LEPR: variants seen among roughly 807,000 people sequenced by gnomAD.
LEPR encodes leptin receptor.
A neutral mutation model predicts 114.7 loss-of-function variants in LEPR; 56 were observed. The ratio of observed to expected loss-of-function variants is 0.49; its 90% CI spans 0.39 to 0.61. The LOEUF is 0.61. Ranked by LOEUF, LEPR falls within the 20% of genes least tolerant of loss-of-function variation. The pLI is 0.00. For synonymous variants in LEPR, 443 were observed against 461.4 expected (o/e 0.96, Z 0.51); for missense variants, 1,202 against 1,352.9 (o/e 0.89, Z 1.75).
intron 14 of LEPR, among the ~76,000 whole-genome samples, chr1:65,615,142 A>G (rs769234871): frequency 2.0e-5 from 3 of 152,172 alleles, no homozygotes; most frequent in Admixed American, 1.3e-4. Context: ...GCAGGGATAC[A>G]TGTATATGTG....
rs766588452 is a variant in LEPR at position 65,621,389 on chromosome 1, A to G, written c.2528A>G (p.Tyr843Cys). Residue 843 changes from tyrosine to cysteine, a missense_variant, in exon 18 of 20, where the codon TAT (tyrosine) becomes TGT (cysteine). Physicochemically the swap from Tyr to Cys is radical, Grantham distance 194. Coordinates refer to ENST00000349533, the MANE Select transcript of LEPR (RefSeq NM_002303.6). ...AAACACCAGAGTGATGCAGGTTTAT[A>G]TGTAATTGTGCCAGTAATTATTTCC... ...IEKHQSDAGLYVIVPVIISSS... is the reference protein window; with the variant it reads ...IEKHQSDAGLCVIVPVIISSS... 4.3e-6 allele frequency: 7 copies of G among 1,613,332 alleles called. No homozygotes were observed. The East Asian group carries it at 1.3e-4, about 31-fold the overall frequency.
At chr1:65,526,772 G>A (rs1024027173) in intron 2 of LEPR, among the ~76,000 whole-genome samples, 1 of 152,042 alleles carries the variant, frequency 6.6e-6, no homozygotes, top group African/African-American at 2.4e-5. Flanking sequence ...ATTTCTGAGG[G>A]CCTTTTGAGA....
At chr1:65,625,006 T>G (rs546694407) in intron 19 of LEPR, among the ~76,000 whole-genome samples, 15 of 152,218 alleles carry the variant, frequency 9.9e-5, no homozygotes, top group Non-Finnish European at 1.9e-4. Flanking sequence ...AGCCAGAGTC[T>G]TCTTTCATTA....
intron 19 of LEPR, chr1:65,634,499 T>G: frequency 2.1e-6 from 2 of 947,010 alleles, no homozygotes; most frequent in Non-Finnish European, 2.5e-6. Context: ...TAATAAAGTT[T>G]TATAACTCAC....
chr1:65,483,980 C>G (rs1251063433), intron 2 of LEPR, among the ~76,000 whole-genome samples: 1 of 150,002 alleles, frequency 6.7e-6, no homozygotes, highest in Non-Finnish European at 1.5e-5. Flanking sequence ...GCTCTGTTGT[C>G]TAGGCTGGAG....
chr1:65,520,020 C>T (rs1305570216), intron 2 of LEPR, among the ~76,000 whole-genome samples: 6 of 151,924 alleles, frequency 3.9e-5, no homozygotes, highest in African/African-American at 1.2e-4. Flanking sequence ...CCTGCCACCA[C>T]GCCCGGCTAA....
intron 2 of LEPR, among the ~76,000 whole-genome samples, chr1:65,505,314 C>G (rs1024125791): frequency 1.3e-5 from 2 of 152,010 alleles, no homozygotes; most frequent in Non-Finnish European, 2.9e-5. Context: ...TAAAATGTCT[C>G]GTAATTTTCC....
At chr1:65,548,423 T>C (rs1472389398) in intron 2 of LEPR, among the ~76,000 whole-genome samples, 2 of 152,198 alleles carry the variant, frequency 1.3e-5, no homozygotes, top group Admixed American at 6.5e-5. Flanking sequence ...AAGTCTCCCA[T>C]TATTATTGTG....
intron 5 of LEPR, among the ~76,000 whole-genome samples, chr1:65,582,672 T>C (rs1655066680): frequency 1.3e-5 from 2 of 152,214 alleles, no homozygotes; most frequent in Admixed American, 1.3e-4. Flanking sequence ...TCTTCTTTTA[T>C]TGTGAATAAA....
chr1:65,462,318 C>T (rs554991660), intron 2 of LEPR, among the ~76,000 whole-genome samples: 17 of 152,204 alleles, frequency 1.1e-4, no homozygotes, highest in African/African-American at 1.4e-4. Context: ...TCCCTGCAAA[C>T]GACACGAACT....
chr1:65,494,158 AC>A (rs1648027437), intron 2 of LEPR: 1 of 152,176 alleles, frequency 6.6e-6, no homozygotes, highest in Non-Finnish European at 1.5e-5. Flanking sequence ...TATTTTTTCA[AC>A]TAAGATGGCA....
At chr1:65,538,353 C>G (rs962920717) in intron 2 of LEPR, among the ~76,000 whole-genome samples, 4 of 152,002 alleles carry the variant, frequency 2.6e-5, no homozygotes, top group Non-Finnish European at 5.9e-5. Context: ...CTTTTGGGGG[C>G]CATCTATACT....
chr1:65,498,418 C>CT (rs576217475), intron 2 of LEPR, among the ~76,000 whole-genome samples: 13 of 151,400 alleles, frequency 8.6e-5, no homozygotes, highest in Admixed American at 2.0e-4. Flanking sequence ...CCTGAAATTA[C>CT]TTTTTTTTTC....
intron 7 of LEPR, among the ~76,000 whole-genome samples, chr1:65,597,029 C>T (rs1051832409): frequency 1.1e-4 from 17 of 152,040 alleles, no homozygotes; most frequent in African/African-American, 7.2e-5. Flanking sequence ...AACACCCCCA[C>T]CCTGGATATC....
Position 65,630,208 on chromosome 1 carries a change from G to T in LEPR, c.2674-5983G>T, listed in dbSNP as rs1183424966. 5 of 296,028 alleles carry T rather than the reference G, an allele frequency of 1.7e-5. No individual in the cohort carries two copies. Among genetic ancestry groups the T allele is most frequent in the Non-Finnish European group, 3.3e-5 (5 of 151,290 alleles). 18.3% of individuals were successfully genotyped at this position (296,028 alleles called of 1,614,324 possible). A position where few individuals can be genotyped will look rare whatever the true frequency, so the allele number is the denominator to read the frequency against. On this transcript the variant is annotated intron_variant, in intron 19 of 19. Transcript: ENST00000349533. ...TAATTTCCTTTTTAAACAGATGCTTGAAGGCAGCATGTTCGTTAAGAGTCA... is the reference window on the plus strand; with the variant it reads ...TAATTTCCTTTTTAAACAGATGCTTTAAGGCAGCATGTTCGTTAAGAGTCA...
intron 19 of LEPR, among the ~76,000 whole-genome samples, chr1:65,630,898 A>T (rs1245865302): frequency 6.6e-6 from 1 of 152,146 alleles, no homozygotes; most frequent in Non-Finnish European, 1.5e-5. Context: ...TATTTTAAAA[A>T]TTCTTTTTTC....
intron 2 of LEPR, among the ~76,000 whole-genome samples, chr1:65,453,031 T>A (rs1190628668): frequency 6.6e-6 from 1 of 152,234 alleles, no homozygotes; most frequent in Non-Finnish European, 1.5e-5. Context: ...TCGAGGAATT[T>A]ATCCATTTCT....
At chr1:65,438,961 G>T (rs6669785) in intron 2 of LEPR, among the ~76,000 whole-genome samples, 17,485 of 152,190 alleles carry the variant, frequency 0.11, 1,820 homozygotes, top group African/African-American at 0.28. Flanking sequence ...AGGTGAAACT[G>T]ATTCTGGTTT....
At chr1:65,588,663 A>AT (rs1033980917) in intron 5 of LEPR, among the ~76,000 whole-genome samples, 1 of 151,936 alleles carries the variant, frequency 6.6e-6, no homozygotes, top group Admixed American at 6.6e-5. Context: ...TTACTCTAGC[A>AT]TTTTTTAGAA....
Sources: gnomAD v4.1 joint callset for allele counts (sites outside exome capture counted in the v4.1 genomes callset) on GRCh38, gnomAD v4.1.1 for gene constraint, MANE v1.5 for transcripts, NCBI Gene and HGNC (gene_info 2026-07-23, HGNC 2026-07-21) for gene names.